The following EMC10 variants were observed in gnomAD, a reference collection of about 807,000 sequenced individuals.
EMC10 encodes UPF0510 protein INM02.
A neutral mutation model predicts 32.2 loss-of-function variants in EMC10; 40 were observed. The ratio of observed to expected loss-of-function variants is 1.24; its 90% CI spans 0.96 to 1.61. The LOEUF (loss-of-function observed/expected upper bound fraction) is 1.61. Ranked by LOEUF, EMC10 falls within the 40% of genes most tolerant of loss-of-function variation. The pLI, the probability that EMC10 is intolerant of heterozygous loss-of-function variation, is 0.00. For missense variants in EMC10, 402 were observed against 357.7 expected, an observed-to-expected ratio of 1.12 and a Z score of -1.00; for synonymous variants, 178 against 158.4, an observed-to-expected ratio of 1.12 and a Z score of -0.93.
Position 50,478,080 on chromosome 19 carries a change from C to T in EMC10, c.187+79C>T, listed in dbSNP as rs190462701. ...CAAGACTTGGAGTCTGGGTGCCTCC[C>T]GTCGTATGACATTTACTAACAACCA... On this transcript the variant is annotated intron_variant, in intron 2 of 6. Transcript: ENST00000334976. 5.5e-4 allele frequency: 647 copies of T among 1,177,474 alleles called. No homozygotes were observed. The Middle Eastern group carries it at 5.8e-3, about 11-fold the overall frequency. 72.9% of individuals were successfully genotyped at this position (1,177,474 alleles called of 1,614,324 possible). A position where few individuals can be genotyped will look rare whatever the true frequency, so the allele number is the denominator to read the frequency against.
Position 50,487,069 on chromosome 19 carries a change from A to T in EMC10, c.*4810A>T, listed in dbSNP as rs540109201. On this transcript the variant is annotated 3_prime_UTR_variant, in exon 7 of 7. Coordinates refer to ENST00000334976, the MANE Select transcript of EMC10 (RefSeq NM_206538.4). ...AGGCCGGCGCCTGTGGCTTCTCTCA[A>T]TGGAGGGAAGTGTCCTGCAGGGGGC... 2 of 152,080 alleles carry T rather than the reference A, an allele frequency of 1.3e-5. No homozygotes were observed. The highest frequency in any genetic ancestry group is 4.8e-5 in the African/African-American group (2 of 41,404). 9.4% of individuals were successfully genotyped at this position (152,080 alleles called of 1,614,324 possible).
rs1046036900 is a variant in EMC10 at position 50,484,091 on chromosome 19, G to C, written c.*1832G>C. 4.0e-5 allele frequency: 5 copies of C among 126,366 alleles called. No individual in the cohort carries two copies. Among genetic ancestry groups the C allele is most frequent in the African/African-American group, 1.5e-4 (5 of 32,720 alleles). 7.8% of individuals were successfully genotyped at this position (126,366 alleles called of 1,614,324 possible). On this transcript the variant is annotated 3_prime_UTR_variant, in exon 7 of 7. Transcript: ENST00000334976. The stretch of plus-strand genomic sequence containing the variant: ...CATCCAGGCTGGAGTACAATGGCAC[G>C]ATCTCAGCTCACTGCAACCTCCGCT...
At chr19:50,481,243 G>A (rs1313129084) in intron 6 of EMC10, 1 of 445,882 alleles carries the variant, frequency 2.2e-6, no homozygotes, top group Non-Finnish European at 4.0e-6. Context: ...TGAGGCTGGA[G>A]AGGAAGGGAA....
chr19:50,476,555 C>T lies in EMC10; in HGVS notation c.11C>T (p.Ala4Val). 2 of 1,573,964 alleles carry T rather than the reference C, an allele frequency of 1.3e-6. No individual in the cohort carries two copies. Among genetic ancestry groups the T allele is most frequent in the Admixed American group, 1.8e-5 (1 of 56,334 alleles). The change falls in exon 1 of 7, where the codon GCC (alanine) becomes GTC (valine). Residue 4 changes from alanine to valine, a missense_variant. By Grantham distance (64) the Ala-to-Val change is moderately conservative (BLOSUM62 0). Transcript: ENST00000334976. MAA[A>V]SAGATRLLLL... ...TGGGAAGAAGCCGAGATGGCGGCAG[C>T]CAGCGCTGGGGCAACCCGGCTGCTC...
At position 50,482,802 on chromosome 19, in the gene EMC10, C is replaced by T. The variant is rs990641686; in HGVS notation, c.*543C>T. On this transcript the variant is annotated 3_prime_UTR_variant, in exon 7 of 7. Coordinates refer to ENST00000334976, the MANE Select transcript of EMC10 (RefSeq NM_206538.4). ...ATCAGGGGCAGAGGCATGAAAGAGT[C>T]GGGGCTGGATGGCCGGGGGCTTCTG... 1.5e-5 allele frequency: 8 copies of T among 519,676 alleles called. No individual in the cohort carries two copies. The highest frequency in any genetic ancestry group is 3.9e-5 in the African/African-American group (2 of 51,292). The allele number at this position is 519,676 out of a possible 1,614,324, so 32.2% of individuals were successfully genotyped here. A position where few individuals can be genotyped will look rare whatever the true frequency, so the allele number is the denominator to read the frequency against.
chr19:50,478,135 G>A (rs908876259), intron 2 of EMC10, 134 bp downstream of exon 2: 5 of 714,910 alleles, frequency 7.0e-6, no homozygotes, highest in Middle Eastern at 2.3e-4. Context: ...CAGGTTAGGG[G>A]AAAGTGGGAC....
intron 2 of EMC10, 37 bp from the exon 3 acceptor site, chr19:50,478,920 G>A (rs140941718): frequency 3.0e-4 from 455 of 1,511,092 alleles, no homozygotes; most frequent in Non-Finnish European, 3.6e-4. Flanking sequence ...AAGGGTGGGC[G>A]GGGGAGGGGG....
chr19:50,476,804 G>A (rs889195135), intron 1 of EMC10, 146 bp downstream of exon 1: 1 of 572,800 alleles, frequency 1.7e-6, no homozygotes, highest in Non-Finnish European at 3.0e-6. Flanking sequence ...CCTCAGTCAC[G>A]CACGCGCAGG....
chr19:50,480,902 C>T lies in EMC10; in HGVS notation c.603C>T (p.Phe201=). 2 of 1,609,520 alleles carry T rather than the reference C, an allele frequency of 1.2e-6. No individual in the cohort carries two copies. The highest frequency in any genetic ancestry group is 1.7e-6 in the Non-Finnish European group (2 of 1,176,712). The change falls in exon 6 of 7, where the codon TTC becomes TTT. Residue 201 remains phenylalanine (F), a synonymous_variant. Coordinates refer to ENST00000334976, the MANE Select transcript of EMC10 (RefSeq NM_206538.4). This position sits in a 1 kb window ranked among gnomAD's most constrained non-coding sequence, Gnocchi z 4.4. ...TTAPGPETAA[F]IERLEMEQAQ... ...GCCCCAGCCCTGAGACGGCGGCCTT[C>T]ATTGAGCGCCTGGAGATGGAACAGG...
Position 50,482,641 on chromosome 19 carries a change from C to T in EMC10, c.*382C>T, listed in dbSNP as rs1336440107. 6.2e-6 allele frequency: 3 copies of T among 485,076 alleles called. No homozygotes were observed. Among genetic ancestry groups the T allele is most frequent in the African/African-American group, 2.0e-5 (1 of 49,922 alleles). 30.0% of individuals were successfully genotyped at this position (485,076 alleles called of 1,614,324 possible). On this transcript the variant is annotated 3_prime_UTR_variant, in exon 7 of 7. Coordinates refer to ENST00000334976, the MANE Select transcript of EMC10 (RefSeq NM_206538.4). The stretch of plus-strand genomic sequence containing the variant: ...CTCTCCAGCCTCTGTGCCTTTGTTC[C>T]AGGTGGTCTCACCCTCCTGTCCCTG...
chr19:50,483,912 GTTTC>G lies in EMC10; in HGVS notation c.*1659_*1662del, dbSNP rs1437567144. 2.7e-5 allele frequency: 4 copies of G among 146,204 alleles called. No individual in the cohort carries two copies. In the South Asian group the frequency reaches 6.7e-4, roughly 24 times the overall value. The allele number at this position is 146,204 out of a possible 1,614,324, so 9.1% of individuals were successfully genotyped here. A position where few individuals can be genotyped will look rare whatever the true frequency, so the allele number is the denominator to read the frequency against. On this transcript the variant is annotated 3_prime_UTR_variant, in exon 7 of 7. Coordinates refer to ENST00000334976, the MANE Select transcript of EMC10 (RefSeq NM_206538.4). ...GATAGTCTTAGCATTGCTAACTTCT[GTTTC>G]TTTCTCCACCTGCAGGAGATAGCTT...
chr19:50,479,671 C>A (rs1345149988), intron 3 of EMC10, among the ~76,000 whole-genome samples: 2 of 152,190 alleles, frequency 1.3e-5, no homozygotes, highest in Non-Finnish European at 2.9e-5. Context: ...AGGCTTGATT[C>A]TGGTGGCCAC....
At chr19:50,480,000 C>T (rs148018160) in intron 3 of EMC10, 111 bp from the exon 4 acceptor site, 10,040 of 837,346 alleles carry the variant, frequency 0.012, 91 homozygotes, top group Non-Finnish European at 0.015. Context: ...GAGTGTGGGC[C>T]GTGAGGTGGG....
Position 50,480,771 on chromosome 19 carries a change from C to G in EMC10, c.584+9C>G, listed in dbSNP as rs1203379165. 7.6e-6 allele frequency: 12 copies of G among 1,578,840 alleles called. No homozygotes were observed. In the African/African-American group the frequency reaches 1.5e-4, roughly 20 times the overall value. On this transcript the variant is annotated intron_variant, in intron 5 of 6. Transcript: ENST00000334976. This position sits in a 1 kb window ranked among gnomAD's most constrained non-coding sequence, Gnocchi z 4.4. Reference sequence around the variant, plus strand: ...CCCACCACAGCCCCAGGGTGAGCCTCTGCTGCCTTCGCGGCGCTCTTGCCA... The same window carrying G: ...CCCACCACAGCCCCAGGGTGAGCCTGTGCTGCCTTCGCGGCGCTCTTGCCA...
chr19:50,476,764 G>T, intron 1 of EMC10, 106 bp downstream of exon 1: 1 of 710,598 alleles, frequency 1.4e-6, no homozygotes, highest in Non-Finnish European at 2.2e-6. Context: ...GGCTGAGAGG[G>T]AAGAGGTGGG....
Position 50,480,428 on chromosome 19 carries a change from T to TG in EMC10, c.403-147dup, listed in dbSNP as rs561563085. ...GGATAGCATTGTGAGGACTCCCGGG[T>TG]GGGGGGCGGTTGAACTTGGGCCTGA... On this transcript the variant is annotated intron_variant, in intron 4 of 6. Transcript: ENST00000334976. This position sits in a 1 kb window ranked among gnomAD's most constrained non-coding sequence, Gnocchi z 4.4. Among the ~76,000 whole-genome samples, 6 of 151,192 alleles carry TG rather than the reference T, an allele frequency of 4.0e-5. No individual in the cohort carries two copies. In the South Asian group the frequency reaches 1.3e-3, roughly 32 times the overall value.
At chr19:50,481,054 C>T (rs2040312619) in intron 6 of EMC10, 77 bp downstream of exon 6, 25 of 1,161,514 alleles carry the variant, frequency 2.2e-5, no homozygotes, top group African/African-American at 4.6e-5. Context: ...ATGCTCCCAC[C>T]CAGACTCCCC....
intron 3 of EMC10, among the ~76,000 whole-genome samples, chr19:50,479,905 G>A (rs1360420394): frequency 1.3e-5 from 2 of 152,198 alleles, no homozygotes; most frequent in Non-Finnish European, 2.9e-5. Context: ...TAGGTGGGGC[G>A]GTCCCAGCTG....
chr19:50,480,690 A>G lies in EMC10; in HGVS notation c.512A>G (p.His171Arg). Residue 171 changes from histidine to arginine, a missense_variant, in exon 5 of 7, where the codon CAT becomes CGT. Coordinates refer to ENST00000334976, the MANE Select transcript of EMC10 (RefSeq NM_206538.4). This position sits in a 1 kb window ranked among gnomAD's most constrained non-coding sequence, Gnocchi z 4.4. ...ACGCACCCCGGGGGCTGCCGGGGCC[A>G]TGAGGTGGAGGACGTGGACCTGGAG... ...VVTHPGGCRG[H>R]EVEDVDLELF... is the part of the protein sequence containing the mutation. 1.2e-6 allele frequency: 2 copies of G among 1,604,254 alleles called. No individual in the cohort carries two copies. Among genetic ancestry groups the G allele is most frequent in the Middle Eastern group, 1.7e-4 (1 of 6,046 alleles).
Sources: allele counts gnomAD v4.1 joint callset (sites outside exome capture counted in the v4.1 genomes callset), GRCh38; gene constraint gnomAD v4.1.1; non-coding constraint Gnocchi (gnomAD v3.1); transcripts MANE v1.5; gene names NCBI Gene and HGNC (gene_info 2026-07-23, HGNC 2026-07-21).